STPG2: variants seen among roughly 807,000 people sequenced by gnomAD.
The protein encoded by STPG2 is sperm-tail PG-rich repeat-containing protein 2.
A neutral mutation model predicts 54.2 loss-of-function variants in STPG2; 56 were observed. The ratio of observed to expected loss-of-function variants is 1.03; its 90% CI spans 0.83 to 1.29. STPG2 has a LOEUF of 1.29. STPG2 is among the 50% of genes most tolerant of loss of function. STPG2 has a pLI of 0.00. For missense variants in STPG2, 596 were observed against 544.9 expected (o/e 1.09, Z -0.93); for synonymous variants, 200 against 181.8 (o/e 1.10, Z -0.81).
intron 9 of STPG2, among the ~76,000 whole-genome samples, chr4:97,820,028 T>C (rs1011010028): frequency 6.6e-6 from 1 of 152,114 alleles, no homozygotes; most frequent in Non-Finnish European, 1.5e-5. Context: ...GTCTATCAGC[T>C]CTCAGTGCCA....
chr4:97,721,142 G>A lies in STPG2; in HGVS notation c.1205-8328C>T, dbSNP rs145360997. On this transcript the variant is annotated intron_variant, in intron 9 of 10. Coordinates refer to ENST00000295268, the MANE Select transcript of STPG2 (RefSeq NM_174952.3). ...CAGCCTCACTCATTTAGGCAAGCAC[G>A]TATAGCAAGAGATGAAAACAGCATT... Among the ~76,000 whole-genome samples, 101 of 152,166 alleles carry A rather than the reference G, an allele frequency of 6.6e-4. 1 individual carries two copies. Among genetic ancestry groups the A allele is most frequent in the African/African-American group, 1.9e-3 (81 of 41,564 alleles).
chr4:97,875,539 C>T (rs1578646055), intron 8 of STPG2, among the ~76,000 whole-genome samples: 1 of 151,826 alleles, frequency 6.6e-6, no homozygotes, highest in African/African-American at 2.4e-5. Context: ...TTATTTTCCA[C>T]AGAATTTTTT....
At position 97,944,868 on chromosome 4, in the gene STPG2, T is replaced by A. The variant is rs368980061; in HGVS notation, c.934-861A>T. On this transcript the variant is annotated intron_variant, in intron 7 of 10. Transcript: ENST00000295268. ...TGAAGATGGCACTTCTCCACTTTTT[T>A]CCACATGATATTATTCCAACCTATC... 1.2e-4 allele frequency among the ~76,000 whole-genome samples: 19 copies of A among 152,234 alleles called. 1 individual carries two copies. In the East Asian group the frequency reaches 2.9e-3, roughly 23 times the overall value.
intron 8 of STPG2, among the ~76,000 whole-genome samples, chr4:97,931,998 C>T (rs556991948): frequency 2.0e-5 from 3 of 152,138 alleles, no homozygotes; most frequent in Admixed American, 1.3e-4. Flanking sequence ...CAGGAATTTA[C>T]CCATCTCTTC....
At chr4:97,461,987 AT>A (rs1212126224) in intron 4 of STPG2, among the ~76,000 whole-genome samples, 2 of 152,032 alleles carry the variant, frequency 1.3e-5, no homozygotes, top group Non-Finnish European at 1.5e-5. Context: ...ATTAGTTAGC[AT>A]TTTTTGTGTC....
chr4:97,882,729 G>T (rs1375137857), intron 8 of STPG2, among the ~76,000 whole-genome samples: 3 of 151,960 alleles, frequency 2.0e-5, no homozygotes, highest in Non-Finnish European at 4.4e-5. Flanking sequence ...CATGAAACTA[G>T]CAATGCACTG....
In STPG2 at chr4:97,803,278, A is replaced by C. The variant is rs574595304; in HGVS notation, c.1204+37495T>G. On this transcript the variant is annotated intron_variant, in intron 9 of 10. Transcript: ENST00000295268. ...ATTCTCTTTAAAATATGTTCACCAA[A>C]GATATTCCACTGATACAAGTTACTC... 3.9e-4 allele frequency among the ~76,000 whole-genome samples: 60 copies of C among 152,324 alleles called. 1 individual carries two copies. The South Asian group carries it at 0.012, about 32-fold the overall frequency.
At chr4:97,573,880 T>C (rs903664218) in intron 10 of STPG2, among the ~76,000 whole-genome samples, 4 of 152,042 alleles carry the variant, frequency 2.6e-5, no homozygotes, top group African/African-American at 4.8e-5. Context: ...TAAAAGCTGA[T>C]AGAGCCAGTG....
intron 10 of STPG2, among the ~76,000 whole-genome samples, chr4:97,595,003 G>C (rs922778273): frequency 6.6e-6 from 1 of 152,174 alleles, no homozygotes; most frequent in East Asian, 1.9e-4. Flanking sequence ...CTGTTGGTGG[G>C]ACTGTAAACT....
chr4:97,616,092 A>ATG (rs1553942954), intron 10 of STPG2, among the ~76,000 whole-genome samples: 1,343 of 63,262 alleles, frequency 0.021, 69 homozygotes, highest in African/African-American at 0.05. Flanking sequence ...ATATATATAT[A>ATG]TATGTATGTA....
intron 5 of STPG2, among the ~76,000 whole-genome samples, chr4:97,989,603 A>T (rs1050932827): frequency 6.6e-6 from 1 of 152,122 alleles, no homozygotes; most frequent in African/African-American, 2.4e-5. Flanking sequence ...TCAACATATA[A>T]TTTTTTTCTT....
At chr4:97,558,854 A>G (rs1732146080), downstream of STPG2, 21 of 534,034 alleles carry the variant, frequency 3.9e-5, no homozygotes, top group South Asian at 4.9e-4. Flanking sequence ...AAATAATACA[A>G]TATGACTTTT....
chr4:97,758,094 G>T (rs1198484258), intron 9 of STPG2, among the ~76,000 whole-genome samples: 3 of 152,152 alleles, frequency 2.0e-5, no homozygotes, highest in African/African-American at 7.2e-5. Flanking sequence ...TCTTTTAATT[G>T]GAATAAAAAT....
At chr4:97,700,967 C>T (rs1723753821) in intron 10 of STPG2, among the ~76,000 whole-genome samples, 1 of 152,220 alleles carries the variant, frequency 6.6e-6, no homozygotes, top group Admixed American at 6.5e-5. Flanking sequence ...CTGTCATTCT[C>T]CAAGATCCAT....
In STPG2 at chr4:97,444,857, G is replaced by A. The variant is rs11097561; in HGVS notation, c.463-257024C>T. ...ATCCTGGCTAACATCGTGAAACCCC[G>A]TCTCTACTAAAAATACAAAAATTAG... On this transcript the variant is annotated intron_variant, in intron 4 of 4. Transcript: ENST00000522676. Among the ~76,000 whole-genome samples, 1,401 of 152,124 alleles carry A rather than the reference G, an allele frequency of 9.2e-3. 29 individuals are homozygous for A. The East Asian group carries it at 0.099, about 11-fold the overall frequency.
At chr4:97,516,988 AC>A (rs1731088636) in intron 4 of STPG2, among the ~76,000 whole-genome samples, 2 of 151,498 alleles carry the variant, frequency 1.3e-5, no homozygotes, top group South Asian at 4.2e-4. Flanking sequence ...GCTCACTGCA[AC>A]CTCCACCTCC....
intron 8 of STPG2, among the ~76,000 whole-genome samples, chr4:97,873,899 T>A (rs1346478429): frequency 6.6e-6 from 1 of 151,640 alleles, no homozygotes; most frequent in African/African-American, 2.4e-5. Flanking sequence ...TTTTATTTTT[T>A]ATTTTTTGAA....
At chr4:97,530,096 T>G (rs1055298891) in intron 4 of STPG2, among the ~76,000 whole-genome samples, 1 of 152,184 alleles carries the variant, frequency 6.6e-6, no homozygotes, top group East Asian at 1.9e-4. Context: ...AAATAAAAAT[T>G]TAATCCTTGA....
chr4:97,567,841 T>C (rs910733750), intron 10 of STPG2, among the ~76,000 whole-genome samples: 13 of 152,038 alleles, frequency 8.6e-5, no homozygotes, highest in African/African-American at 2.4e-4. Context: ...TGTAAGGAAA[T>C]AGGAGCAAAA....
Sources: allele counts gnomAD v4.1 joint callset (sites outside exome capture counted in the v4.1 genomes callset), GRCh38; gene constraint gnomAD v4.1.1; transcripts MANE v1.5; gene names NCBI Gene and HGNC (gene_info 2026-07-23, HGNC 2026-07-21).